The following TYW1 variants were observed in gnomAD, a reference collection of about 807,000 sequenced individuals.
TYW1 encodes tRNA-yW synthesizing protein 1 homolog.
A neutral mutation model predicts 96.2 loss-of-function variants in TYW1; 46 were observed. The observed-to-expected ratio is 0.48, with a 90% CI of 0.38 to 0.61. The LOEUF is 0.61. TYW1 is among the 20% of genes least tolerant of loss of function. The pLI, the probability that TYW1 is intolerant of heterozygous loss-of-function variation, is 0.00. For missense variants in TYW1, 684 were observed against 909.6 expected, an observed-to-expected ratio of 0.75 and a Z score of 3.19; for synonymous variants, 274 against 323.0, an observed-to-expected ratio of 0.85 and a Z score of 1.63.
chr7:67,071,929 C>T (rs1796042887), intron 10 of TYW1, among the ~76,000 whole-genome samples: 1 of 151,244 alleles, frequency 6.6e-6, no homozygotes, highest in Non-Finnish European at 1.5e-5. Flanking sequence ...GCCTGGAACA[C>T]TCTTTTAATG....
At chr7:67,004,074 A>G (rs1364498712) in intron 3 of TYW1, among the ~76,000 whole-genome samples, 3 of 152,010 alleles carry the variant, frequency 2.0e-5, no homozygotes, top group East Asian at 1.9e-4. Flanking sequence ...AACAAAAAAA[A>G]CAATCTAAGT....
At chr7:67,159,283 T>G (rs2949157) in intron 13 of TYW1, among the ~76,000 whole-genome samples, 5 of 152,226 alleles carry the variant, frequency 3.3e-5, no homozygotes, top group South Asian at 2.1e-4. Context: ...CACATATTTC[T>G]GATCATTTAC....
intron 12 of TYW1, among the ~76,000 whole-genome samples, chr7:67,104,626 G>T (rs1797184655): frequency 1.3e-5 from 2 of 152,122 alleles, no homozygotes; most frequent in East Asian, 3.9e-4. Flanking sequence ...CACAGTGAGT[G>T]GTCCACCAGG....
chr7:67,089,329 T>A, intron 11 of TYW1: 1 of 1,291,536 alleles, frequency 7.7e-7, no homozygotes. Context: ...GGGAGGGCCC[T>A]TCTCGAGGTG....
intron 15 of TYW1, among the ~76,000 whole-genome samples, chr7:67,231,221 C>G (rs1431832188): frequency 6.6e-6 from 1 of 152,214 alleles, no homozygotes; most frequent in African/African-American, 2.4e-5. Context: ...CTCTCAAACT[C>G]TCTGCCATCT....
intron 13 of TYW1, among the ~76,000 whole-genome samples, chr7:67,138,001 A>T (rs1447152217): frequency 6.6e-6 from 1 of 152,170 alleles, no homozygotes; most frequent in African/African-American, 2.4e-5. Context: ...GTTGCTACCG[A>T]TCTGGACTAG....
rs552562277 is a variant in TYW1 at position 67,195,124 on chromosome 7, G to T, written c.1810-46G>T. ...CTCTGAAAGTCTTCTTCTATGACAT[G>T]CAGGTAGGTCTGTAGTCATCTCTGA... is the stretch of plus-strand genomic sequence containing the variant. On this transcript the variant is annotated intron_variant, in intron 14 of 15. Coordinates refer to ENST00000359626, the MANE Select transcript of TYW1 (RefSeq NM_018264.4). 26 of 1,577,482 alleles carry T rather than the reference G, an allele frequency of 1.6e-5. 2 individuals are homozygous for T. In the South Asian group the frequency reaches 2.8e-4, roughly 17 times the overall value.
chr7:67,064,223 C>T (rs1226787755), intron 9 of TYW1, among the ~76,000 whole-genome samples: 4 of 152,044 alleles, frequency 2.6e-5, no homozygotes, highest in Non-Finnish European at 5.9e-5. Context: ...AAGACACAGG[C>T]CCTAGAATAG....
chr7:67,166,043 C>T (rs1310745985), intron 13 of TYW1, among the ~76,000 whole-genome samples: 3 of 152,058 alleles, frequency 2.0e-5, no homozygotes, highest in South Asian at 2.1e-4. Flanking sequence ...AGTTTGAGAC[C>T]AGCCTGACAA....
intron 13 of TYW1, among the ~76,000 whole-genome samples, chr7:67,135,264 C>A (rs1295862432): frequency 6.6e-6 from 1 of 151,338 alleles, no homozygotes; most frequent in East Asian, 1.9e-4. Context: ...ATTGTCATCA[C>A]CCCAACCAAG....
chr7:67,200,001 CTGAAG>C (rs1800538786), intron 15 of TYW1, among the ~76,000 whole-genome samples: 1 of 152,060 alleles, frequency 6.6e-6, no homozygotes, highest in South Asian at 2.1e-4. Context: ...AGAAGGGAAC[CTGAAG>C]TGAAGTAGGC....
intron 15 of TYW1, among the ~76,000 whole-genome samples, chr7:67,231,261 G>A (rs141648509): frequency 1.5e-4 from 23 of 152,260 alleles, no homozygotes; most frequent in African/African-American, 5.3e-4. Flanking sequence ...ACTTTCAGAT[G>A]CATTGGATTT....
Position 66,998,098 on chromosome 7 carries a change from C to G in TYW1, c.38C>G (p.Pro13Arg), listed in dbSNP as rs1793254304. The G allele has an allele frequency of 1.2e-6, 2 of 1,610,018 alleles. No individual in the cohort carries two copies. Among genetic ancestry groups the G allele is most frequent in the African/African-American group, 2.7e-5 (2 of 74,672 alleles). Residue 13 changes from proline to arginine, a missense_variant, in exon 2 of 16, where the codon CCT (proline) becomes CGT (arginine). Transcript: ENST00000359626. Reference sequence around the variant, plus strand: ...GCGGATACATGGGACCTCTTCTCACCTTTAATATCATTATGGATAAACAGG... The same window carrying G: ...GCGGATACATGGGACCTCTTCTCACGTTTAATATCATTATGGATAAACAGG... ...PSADTWDLFS[P>R]LISLWINRFY...
At chr7:67,109,433 A>C (rs7783157) in intron 12 of TYW1, among the ~76,000 whole-genome samples, 36,631 of 151,178 alleles carry the variant, frequency 0.24, 4,622 homozygotes, top group African/African-American at 0.32. Context: ...AAAAATGATC[A>C]CAAGCGACTG....
chr7:67,089,646 C>T (rs2711919), intron 11 of TYW1, among the ~76,000 whole-genome samples: 2 of 152,130 alleles, frequency 1.3e-5, no homozygotes, highest in Non-Finnish European at 1.5e-5. Flanking sequence ...ACTGGAGCTA[C>T]GTGGCCAGTC....
intron 5 of TYW1, 86 bp from the exon 6 acceptor site, chr7:67,017,767 G>T: frequency 6.6e-7 from 1 of 1,520,434 alleles, no homozygotes; most frequent in South Asian, 1.3e-5. Flanking sequence ...CAGGGGCCTC[G>T]GAAGGACTTT....
rs540307317 is a variant in TYW1 at position 67,174,215 on chromosome 7, T to C, written c.1699-8911T>C. Among the ~76,000 whole-genome samples the C allele has an allele frequency of 4.3e-4, 65 of 152,274 alleles. No individual in the cohort carries two copies. The South Asian group carries it at 0.013, about 31-fold the overall frequency. On this transcript the variant is annotated intron_variant, in intron 13 of 15. Coordinates refer to ENST00000359626, the MANE Select transcript of TYW1 (RefSeq NM_018264.4). ...GATTAACATTTCTGCATGTGCTTTTTTCCCCCATTACAAAAGTTTTACTCA... is the reference window on the plus strand; with the variant it reads ...GATTAACATTTCTGCATGTGCTTTTCTCCCCCATTACAAAAGTTTTACTCA...
chr7:67,094,190 C>G (rs71563159), intron 11 of TYW1, among the ~76,000 whole-genome samples: 1 of 152,112 alleles, frequency 6.6e-6, no homozygotes, highest in Non-Finnish European at 1.5e-5. Context: ...GTTTTTATGG[C>G]TGCATAGTAT....
At chr7:67,174,596 A>G (rs1799609747) in intron 13 of TYW1, among the ~76,000 whole-genome samples, 1 of 137,392 alleles carries the variant, frequency 7.3e-6, no homozygotes, top group Admixed American at 7.4e-5. Context: ...GGTACCCACA[A>G]TGTTTTTTTT....
Sources: gnomAD v4.1 joint callset for allele counts (sites outside exome capture counted in the v4.1 genomes callset) on GRCh38, gnomAD v4.1.1 for gene constraint, MANE v1.5 for transcripts, NCBI Gene and HGNC (gene_info 2026-07-23, HGNC 2026-07-21) for gene names.